Variants in DMAP1 observed in about 807,000 individuals in gnomAD.
DMAP1 encodes DNA methyltransferase 1 associated protein 1.
A neutral mutation model predicts 52.7 loss-of-function variants in DMAP1; 26 were observed. The observed-to-expected ratio is 0.49, with a 90% confidence interval of 0.36 to 0.68. The LOEUF (loss-of-function observed/expected upper bound fraction) is 0.68. DMAP1 is among the 30% of genes least tolerant of loss of function. DMAP1 has a pLI of 0.00. For synonymous variants in DMAP1, 231 were observed against 246.0 expected (o/e 0.94, Z 0.57); for missense variants, 439 against 625.2 (o/e 0.70, Z 3.18).
intron 3 of DMAP1, chr1:44,215,692 ATACATCTATT>A (rs1643777504): frequency 4.9e-6 from 1 of 205,556 alleles, no homozygotes; most frequent in Non-Finnish European, 1.0e-5. Context: ...GATGCCAGTG[ATACATCTATT>A]TATTGAGTCC....
chr1:44,220,666 G>A lies in DMAP1; in HGVS notation c.*48G>A, dbSNP rs1209759223. The stretch of plus-strand genomic sequence containing the variant: ...ACGCTGTTATGTAAATAGAGCTGCT[G>A]AGTTGGACCAGGCTGCTTCCTTTTC... On this transcript the variant is annotated 3_prime_UTR_variant, in exon 10 of 10. Coordinates refer to ENST00000372289, the MANE Select transcript of DMAP1 (RefSeq NM_019100.5). 1 of 1,610,376 alleles carries A rather than the reference G, an allele frequency of 6.2e-7. No homozygotes were observed. The highest frequency in any genetic ancestry group is 1.1e-5 in the South Asian group (1 of 90,774).
At chr1:44,219,968 C>T in intron 8 of DMAP1, 49 bp from the exon 9 acceptor site, 1 of 1,605,612 alleles carries the variant, frequency 6.2e-7, no homozygotes, top group South Asian at 1.1e-5. Flanking sequence ...CATTGCTGGC[C>T]CTCTACCACA....
In DMAP1 at chr1:44,218,720, C is replaced by T. The variant is rs1178719472; in HGVS notation, c.685C>T (p.Gln229Ter). Residue 229 changes from glutamine (Q) to a stop codon, truncating the protein, a stop_gained, in exon 5 of 10, where the codon CAG becomes TAG. Transcript: ENST00000372289. LOFTEE classifies it high-confidence loss of function. The surrounding 1 kb of genome is among the most constrained non-coding windows in gnomAD (Gnocchi z 5.6). ...DAGHERRRKE[Q>*]LERLYNRTPE... ...TGGGCACGAACGACGGCGGAAGGAA[C>T]AGCTTGAGCGTCTCTACAACCGGAC... The T allele has an allele frequency of 4.3e-6, 7 of 1,612,954 alleles. No homozygotes were observed. Among genetic ancestry groups the T allele is most frequent in the Non-Finnish European group, 5.9e-6 (7 of 1,179,304 alleles).
chr1:44,220,360 C>G (rs1643879376), intron 9 of DMAP1, 51 bp downstream of exon 9: 1 of 1,520,762 alleles, frequency 6.6e-7, no homozygotes, highest in Non-Finnish European at 8.8e-7. Flanking sequence ...CGAGTGAGCA[C>G]ATGCACATGG....
intron 9 of DMAP1, 59 bp downstream of exon 9, chr1:44,220,368 T>C (rs1643879564): frequency 6.6e-7 from 1 of 1,519,352 alleles, no homozygotes; most frequent in South Asian, 1.3e-5. Flanking sequence ...CACATGCACA[T>C]GGGTGTAGGG....
At position 44,220,024 on chromosome 1, in the gene DMAP1, C is replaced by A; in HGVS notation, c.1059C>A (p.Ser353Arg). 1 of 1,599,194 alleles carries A rather than the reference C, an allele frequency of 6.3e-7. No homozygotes were observed. Among genetic ancestry groups the A allele is most frequent in the South Asian group, 1.1e-5 (1 of 89,796 alleles). The change falls in exon 9 of 10, where the codon AGC becomes AGA. Residue 353 changes from serine (S) to arginine (R), a missense_variant. Ser to Arg is a moderately radical substitution (Grantham distance 110). Transcript: ENST00000372289. ...CCTGCCGCCTGCCTGCAGAGCTGAG[C>A]CCGACACCTACGGAGGAGCTGGTGC... ...QMLLELGVELSPTPTEELVHM... is the reference protein window; with the variant it reads ...QMLLELGVELRPTPTEELVHM...
rs1381440227 is a variant in DMAP1 at position 44,213,968 on chromosome 1, A to G, written c.105+110A>G. 2 of 971,016 alleles carry G rather than the reference A, an allele frequency of 2.1e-6. No individual in the cohort carries two copies. The highest frequency in any genetic ancestry group is 1.5e-5 in the South Asian group (1 of 64,726). The allele number at this position is 971,016 out of a possible 1,614,324, so 60.2% of individuals were successfully genotyped here. On this transcript the variant is annotated intron_variant, in intron 1 of 9. Coordinates refer to ENST00000372289, the MANE Select transcript of DMAP1 (RefSeq NM_019100.5). This position sits in a 1 kb window ranked among gnomAD's most constrained non-coding sequence, Gnocchi z 4.5. ...CTACACTTACAGTGAGTTGGGCGAT[A>G]AAAGGGGTGACATAACAGGACAGGG...
intron 8 of DMAP1, 56 bp from the exon 9 acceptor site, chr1:44,219,961 T>G (rs1456542180): frequency 1.2e-6 from 2 of 1,607,062 alleles, no homozygotes; most frequent in Non-Finnish European, 1.7e-6. Flanking sequence ...GAGTTCACAT[T>G]GCTGGCCCTC....
Position 44,214,859 on chromosome 1 carries a change from G to A in DMAP1, c.354G>A (p.Ala118=), listed in dbSNP as rs552556066. ...GAMFFHWRRA[A]EEGKDYPFAR... ...TGTTCTTCCACTGGCGACGTGCAGC[G>A]GAGGAGGGCAAGGACTACCCCTTTG... The change falls in exon 3 of 10, where the codon GCG becomes GCA. Residue 118 remains alanine, a synonymous_variant. Transcript: ENST00000372289. 71 of 1,614,186 alleles carry A rather than the reference G, an allele frequency of 4.4e-5. 1 individual carries two copies. The South Asian group carries it at 4.8e-4, about 11-fold the overall frequency.
Position 44,218,534 on chromosome 1 carries a change from A to C in DMAP1, c.553-54A>C. The C allele has an allele frequency of 6.2e-7, 1 of 1,608,568 alleles. No homozygotes were observed. The highest frequency in any genetic ancestry group is 8.5e-7 in the Non-Finnish European group (1 of 1,175,682). ...GTCTAGCAGGCCCTACTTTTATGCC[A>C]TCTCTTCCACATGCCCCTGAATGTT... On this transcript the variant is annotated intron_variant, in intron 4 of 9. Coordinates refer to ENST00000372289, the MANE Select transcript of DMAP1 (RefSeq NM_019100.5). The surrounding 1 kb of genome is among the most constrained non-coding windows in gnomAD (Gnocchi z 5.6).
chr1:44,219,913 C>T (rs1449403255), intron 8 of DMAP1, 35 bp downstream of exon 8: 1 of 1,613,718 alleles, frequency 6.2e-7, no homozygotes, highest in Non-Finnish European at 8.5e-7. Context: ...AGGGTGTACC[C>T]ACCCGAGGCT....
Position 44,220,646 on chromosome 1 carries a change from G to C in DMAP1, c.*28G>C, listed in dbSNP as rs781170481. On this transcript the variant is annotated 3_prime_UTR_variant, in exon 10 of 10. Coordinates refer to ENST00000372289, the MANE Select transcript of DMAP1 (RefSeq NM_019100.5). ...GGCCCCACGGGGTGTGGGCGACGCTGTTATGTAAATAGAGCTGCTGAGTTG... is the reference window on the plus strand; with the variant it reads ...GGCCCCACGGGGTGTGGGCGACGCTCTTATGTAAATAGAGCTGCTGAGTTG... 6.2e-7 allele frequency: 1 copy of C among 1,613,948 alleles called. No individual in the cohort carries two copies. Among genetic ancestry groups the C allele is most frequent in the South Asian group, 1.1e-5 (1 of 91,070 alleles).
At chr1:44,214,640 A>T in intron 2 of DMAP1, 63 bp from the exon 3 acceptor site, 1 of 1,613,414 alleles carries the variant, frequency 6.2e-7, no homozygotes. Flanking sequence ...GCTCCCTGGG[A>T]CAAAAAGCTC....
rs1241301800 is a variant in DMAP1, at chr1:44,214,818, C to T, written c.313C>T (p.Arg105Cys). The change falls in exon 3 of 10, where the codon CGC (arginine) becomes TGC (cysteine). Residue 105 changes from arginine to cysteine, a missense_variant. By Grantham distance (180) the Arg-to-Cys change is radical (BLOSUM62 -3). This residue lies in a region of DMAP1 where 118 missense variants were observed against 189.8 expected (regional missense o/e 0.62). Transcript: ENST00000372289. ...GTGGATGCCATTCACCAACCCGGCC[C>T]GCAAGGACGGAGCAATGTTCTTCCA... is the stretch of plus-strand genomic sequence containing the variant. ...WKWMPFTNPA[R>C]KDGAMFFHWR... The T allele has an allele frequency of 6.2e-6, 10 of 1,614,192 alleles. No individual in the cohort carries two copies. Among genetic ancestry groups the T allele is most frequent in the Admixed American group, 1.7e-5 (1 of 60,016 alleles).
At position 44,218,285 on chromosome 1, in the gene DMAP1, C is replaced by T. The variant is rs1182181753; in HGVS notation, c.394-26C>T. 2 of 1,614,234 alleles carry T rather than the reference C, an allele frequency of 1.2e-6. No homozygotes were observed. The highest frequency in any genetic ancestry group is 1.7e-6 in the Non-Finnish European group (2 of 1,180,034). On this transcript the variant is annotated intron_variant, in intron 3 of 9. Transcript: ENST00000372289. The surrounding 1 kb of genome is among the most constrained non-coding windows in gnomAD (Gnocchi z 5.6). ...GGACATGACATCATGCGGGCATGCC[C>T]CTACTGTGTCCCTCTGTGCTAGTAG...
At chr1:44,214,532 T>G in intron 2 of DMAP1, 91 bp downstream of exon 2, 4 of 1,612,928 alleles carry the variant, frequency 2.5e-6, no homozygotes, top group Non-Finnish European at 3.4e-6. Flanking sequence ...AATTTTCTCC[T>G]CCCCAGCAAG....
rs1191078178 is a variant in DMAP1 at position 44,218,220 on chromosome 1, A to G, written c.394-91A>G. On this transcript the variant is annotated intron_variant, in intron 3 of 9. Coordinates refer to ENST00000372289, the MANE Select transcript of DMAP1 (RefSeq NM_019100.5). The surrounding 1 kb of genome is among the most constrained non-coding windows in gnomAD (Gnocchi z 5.6). ...GGGCACAGGCCCAGGGTCTGGCAACAAACAGGAGCAGCTGTGGTCACTGGG... is the reference window on the plus strand; with the variant it reads ...GGGCACAGGCCCAGGGTCTGGCAACGAACAGGAGCAGCTGTGGTCACTGGG... The G allele has an allele frequency of 6.4e-7, 1 of 1,572,934 alleles. No homozygotes were observed. The highest frequency in any genetic ancestry group is 1.7e-5 in the Admixed American group (1 of 59,972).
chr1:44,214,571 A>C (rs750135201), intron 2 of DMAP1, 130 bp downstream of exon 2: 1 of 1,612,452 alleles, frequency 6.2e-7, no homozygotes. Context: ...AGGATGCAGG[A>C]GGACCTGAAG....
At chr1:44,217,146 C>A (rs977882506) in intron 3 of DMAP1, 1 of 152,184 alleles carries the variant, frequency 6.6e-6, no homozygotes, top group African/African-American at 2.4e-5. Flanking sequence ...ATATTAGATT[C>A]AACAGCATAC....
Sources: allele counts gnomAD v4.1 joint callset, GRCh38; gene constraint gnomAD v4.1.1; regional missense constraint gnomAD v4.1.1; non-coding constraint Gnocchi (gnomAD v3.1); transcripts MANE v1.5; gene names NCBI Gene and HGNC (gene_info 2026-07-23, HGNC 2026-07-21).